The following AGFG1 variants were observed in gnomAD, a reference collection of about 807,000 sequenced individuals.
AGFG1 encodes arf-GAP domain and FG repeat-containing protein 1.
Under a neutral mutation model 60.6 loss-of-function variants are expected in AGFG1, and 10 were observed. That is an observed-to-expected ratio of 0.16 (90% CI 0.10 to 0.28). AGFG1 has a LOEUF of 0.28. AGFG1 is among the 10% of genes least tolerant of loss of function. The pLI is 1.00. For missense variants in AGFG1, 537 were observed against 676.5 expected, an observed-to-expected ratio of 0.79 and a Z score of 2.29; for synonymous variants, 247 against 242.9, an observed-to-expected ratio of 1.02 and a Z score of -0.16.
intron 10 of AGFG1, among the ~76,000 whole-genome samples, chr2:227,539,746 CAAA>C (rs71039604): frequency 0.04 from 2,624 of 65,400 alleles, 23 homozygotes; most frequent in African/African-American, 0.13. Flanking sequence ...CTCTAGCTCA[CAAA>C]AAAAAAAAAA....
chr2:227,518,445 A>T (rs898432931), intron 2 of AGFG1, among the ~76,000 whole-genome samples: 8 of 151,628 alleles, frequency 5.3e-5, no homozygotes, highest in Non-Finnish European at 1.0e-4. Flanking sequence ...TTACCAACAC[A>T]TGATGCAGTC....
rs74698728 is a variant in AGFG1, at chr2:227,557,601, T to C, written c.*3106T>C. ...GATATTTTTAAAACATGTTTATTTATTTAAGTATAACAGTAATAAACTAAT... is the reference window on the plus strand; with the variant it reads ...GATATTTTTAAAACATGTTTATTTACTTAAGTATAACAGTAATAAACTAAT... On this transcript the variant is annotated 3_prime_UTR_variant, in exon 13 of 13. Coordinates refer to ENST00000310078, the MANE Select transcript of AGFG1 (RefSeq NM_004504.5). 7.4e-6 allele frequency: 1 copy of C among 135,912 alleles called. No individual in the cohort carries two copies. Among genetic ancestry groups the C allele is most frequent in the East Asian group, 2.2e-4 (1 of 4,540 alleles). The allele number at this position is 135,912 out of a possible 1,614,324, so 8.4% of individuals were successfully genotyped here. A position where few individuals can be genotyped will look rare whatever the true frequency, so the allele number is the denominator to read the frequency against.
intron 5 of AGFG1, among the ~76,000 whole-genome samples, chr2:227,526,423 A>G (rs1691995182): frequency 1.4e-5 from 2 of 138,938 alleles, no homozygotes; most frequent in South Asian, 4.6e-4. Context: ...TTTTTAATGG[A>G]GATGGGGTTT....
At chr2:227,478,835 C>T (rs1690368698) in intron 1 of AGFG1, among the ~76,000 whole-genome samples, 1 of 152,156 alleles carries the variant, frequency 6.6e-6, no homozygotes, top group South Asian at 2.1e-4. Context: ...ATTTTTCTCT[C>T]AGTCTTTTAC....
chr2:227,550,429 A>G (rs1431757868), intron 10 of AGFG1, among the ~76,000 whole-genome samples: 1 of 152,100 alleles, frequency 6.6e-6, no homozygotes, highest in Non-Finnish European at 1.5e-5. Context: ...ATACCAAACC[A>G]TTTTACTGCA....
At chr2:227,485,211 T>C (rs1690592174) in intron 1 of AGFG1, among the ~76,000 whole-genome samples, 2 of 151,192 alleles carry the variant, frequency 1.3e-5, no homozygotes, top group African/African-American at 4.9e-5. Flanking sequence ...TTTTAAGATC[T>C]TCTCTGTCTT....
At chr2:227,480,092 C>A in intron 1 of AGFG1, among the ~76,000 whole-genome samples, 1 of 152,096 alleles carries the variant, frequency 6.6e-6, no homozygotes. Context: ...GAGCATGCTC[C>A]AAGGAATCTG....
intron 12 of AGFG1, among the ~76,000 whole-genome samples, chr2:227,554,191 G>A (rs1329780746): frequency 6.6e-6 from 1 of 152,168 alleles, no homozygotes; most frequent in Non-Finnish European, 1.5e-5. Flanking sequence ...ACCATTCTAA[G>A]ATTCTTCTTA....
At chr2:227,509,926 C>G (rs181247281) in intron 2 of AGFG1, among the ~76,000 whole-genome samples, 2 of 152,126 alleles carry the variant, frequency 1.3e-5, no homozygotes, top group East Asian at 3.9e-4. Flanking sequence ...CTAGATAAAA[C>G]AAGGAAACTC....
At chr2:227,488,129 C>T (rs1293461771) in intron 1 of AGFG1, among the ~76,000 whole-genome samples, 4 of 152,130 alleles carry the variant, frequency 2.6e-5, no homozygotes, top group African/African-American at 9.7e-5. Context: ...AGTAACAAAT[C>T]CTGTAATAGA....
chr2:227,489,475 G>A (rs1399651683), intron 1 of AGFG1, among the ~76,000 whole-genome samples: 2 of 152,000 alleles, frequency 1.3e-5, no homozygotes, highest in African/African-American at 2.4e-5. Flanking sequence ...GCCCACCTTG[G>A]CCTCCCAAAG....
intron 2 of AGFG1, among the ~76,000 whole-genome samples, chr2:227,492,004 G>A (rs1017500308): frequency 6.6e-6 from 1 of 152,128 alleles, no homozygotes; most frequent in African/African-American, 2.4e-5. Flanking sequence ...AGAGTGTTGT[G>A]TGATCAGCTT....
rs1256566906 is a variant in AGFG1 at position 227,472,308 on chromosome 2, G to GCGCGCAGA, written c.-111_-104dup. On this transcript the variant is annotated 5_prime_UTR_variant, in exon 1 of 13. Transcript: ENST00000310078. ...TGCGGCCGGGTCCGGCGCGGGCGGC[G>GCGCGCAGA]CGCGCAGACGGAGGGCGGCGGCCGC... The GCGCGCAGA allele has an allele frequency of 6.2e-6, 4 of 648,844 alleles. No individual in the cohort carries two copies. The African/African-American group carries it at 8.0e-5, about 13-fold the overall frequency. The allele number at this position is 648,844 out of a possible 1,614,324, so 40.2% of individuals were successfully genotyped here.
intron 1 of AGFG1, among the ~76,000 whole-genome samples, chr2:227,474,344 A>G (rs770840107): frequency 6.6e-6 from 1 of 152,222 alleles, no homozygotes; most frequent in Non-Finnish European, 1.5e-5. Flanking sequence ...AAATACATAT[A>G]TTTACACTTC....
At position 227,491,648 on chromosome 2, in the gene AGFG1, G is replaced by GTTT; in HGVS notation, c.261+21_261+23dup. 57 of 1,163,912 alleles carry GTTT rather than the reference G, an allele frequency of 4.9e-5. No individual in the cohort carries two copies. Among genetic ancestry groups the GTTT allele is most frequent in the African/African-American group, 2.2e-4 (13 of 59,428 alleles). The allele number at this position is 1,163,912 out of a possible 1,614,324, so 72.1% of individuals were successfully genotyped here. A position where few individuals can be genotyped will look rare whatever the true frequency, so the allele number is the denominator to read the frequency against. ...CAAAAACATGGAAATGAAGTAAGTG[G>GTTT]TTTTTTTTTTTTTTTGCAATTTTTG... On this transcript the variant is annotated intron_variant, in intron 2 of 12. Transcript: ENST00000310078.
Position 227,507,171 on chromosome 2 carries a change from TA to T in AGFG1, c.262-12766del, listed in dbSNP as rs541747694. On this transcript the variant is annotated intron_variant, in intron 2 of 12. Coordinates refer to ENST00000310078, the MANE Select transcript of AGFG1 (RefSeq NM_004504.5). ...GACCTTTTCAGAGGTTCTTTAAAGT[TA>T]AAAAAAAAAATTTAATAATACTGAG... is the stretch of plus-strand genomic sequence containing the variant. Among the ~76,000 whole-genome samples, 1,111 of 149,092 alleles carry T rather than the reference TA, an allele frequency of 7.5e-3. 4 individuals carry two copies. Among genetic ancestry groups the T allele is most frequent in the Non-Finnish European group, 0.011 (740 of 67,006 alleles).
intron 2 of AGFG1, among the ~76,000 whole-genome samples, chr2:227,499,280 G>T (rs969723954): frequency 2.6e-5 from 4 of 151,876 alleles, no homozygotes; most frequent in African/African-American, 9.7e-5. Flanking sequence ...TTTGAATGAG[G>T]ATCCAGGTAA....
At chr2:227,494,385 A>C (rs1406804021) in intron 2 of AGFG1, among the ~76,000 whole-genome samples, 1 of 152,222 alleles carries the variant, frequency 6.6e-6, no homozygotes, top group African/African-American at 2.4e-5. Context: ...AATAGTTTGG[A>C]AAGGGCCATA....
Position 227,531,050 on chromosome 2 carries a change from T to C in AGFG1, c.695-41T>C, listed in dbSNP as rs781339447. The C allele has an allele frequency of 3.9e-6, 6 of 1,553,598 alleles. No individual in the cohort carries two copies. The South Asian group carries it at 7.3e-5, about 19-fold the overall frequency. On this transcript the variant is annotated intron_variant, in intron 5 of 12. Transcript: ENST00000310078. ...TGTGTCATGTATTTTCATTTATAGTTTTCATATTCATTAACATATGTTGTT... is the reference window on the plus strand; with the variant it reads ...TGTGTCATGTATTTTCATTTATAGTCTTCATATTCATTAACATATGTTGTT...
Sources: allele counts gnomAD v4.1 joint callset (sites outside exome capture counted in the v4.1 genomes callset), GRCh38; gene constraint gnomAD v4.1.1; transcripts MANE v1.5; gene names NCBI Gene and HGNC (gene_info 2026-07-23, HGNC 2026-07-21).